Variants in ZC3H18 observed in about 807,000 individuals in gnomAD.
The protein encoded by ZC3H18 is zinc finger CCCH domain-containing protein 18.
In ZC3H18, 8 loss-of-function variants were observed where a neutral mutation model predicts 106.1. The ratio of observed to expected loss-of-function variants is 0.08; its 90% confidence interval spans 0.04 to 0.14. ZC3H18 has a LOEUF of 0.14. Ranked by LOEUF, ZC3H18 falls within the 10% of genes least tolerant of loss-of-function variation. The probability of loss-of-function intolerance (pLI) is 1.00; values close to 1 mark genes in which losing one functional copy is unlikely to be tolerated. For synonymous variants in ZC3H18, 635 were observed against 522.1 expected, an observed-to-expected ratio of 1.22 and a Z score of -2.95; for missense variants, 1,318 against 1,278.4, an observed-to-expected ratio of 1.03 and a Z score of -0.47.
In ZC3H18 at chr16:88,631,298, A is replaced by C; in HGVS notation, c.2861A>C (p.Ter954SerextTer13). The C allele has an allele frequency of 6.3e-7, 1 of 1,577,964 alleles. No homozygotes were observed. The highest frequency in any genetic ancestry group is 1.1e-5 in the South Asian group (1 of 87,670). ...RKRAKIPGKA[*>S] Reference sequence around the variant, plus strand: ...CGGGCCAAGATCCCCGGGAAAGCATAGGCCGTGCCCCGACCGGACTGGACG... The same window carrying C: ...CGGGCCAAGATCCCCGGGAAAGCATCGGCCGTGCCCCGACCGGACTGGACG... Residue 954 changes from the stop codon to serine (S), a stop_lost, in exon 18 of 18, where the codon TAG (stop) becomes TCG (serine). Transcript: ENST00000301011.
At chr16:88,589,962 G>A (rs1171208051) in intron 3 of ZC3H18, among the ~76,000 whole-genome samples, 1 of 152,220 alleles carries the variant, frequency 6.6e-6, no homozygotes, top group Admixed American at 6.5e-5. Context: ...TGTGAATTGT[G>A]TCACAATTAG....
intron 3 of ZC3H18, among the ~76,000 whole-genome samples, chr16:88,590,694 C>T (rs1300830577): frequency 1.3e-5 from 2 of 150,248 alleles, no homozygotes; most frequent in African/African-American, 2.4e-5. Flanking sequence ...CGAGTAGCTG[C>T]GATTACAGGC....
intron 3 of ZC3H18, among the ~76,000 whole-genome samples, chr16:88,591,190 C>G (rs1295688774): frequency 6.6e-6 from 1 of 151,628 alleles, no homozygotes; most frequent in African/African-American, 2.4e-5. Flanking sequence ...CAGGATGGTC[C>G]CGATCTCCTG....
At chr16:88,574,464 C>T (rs919783265) in intron 1 of ZC3H18, among the ~76,000 whole-genome samples, 1 of 151,874 alleles carries the variant, frequency 6.6e-6, no homozygotes, top group East Asian at 1.9e-4. Flanking sequence ...CTGCCTTGGC[C>T]TCCCAAAGTG....
Position 88,577,576 on chromosome 16 carries a change from G to GGCTGAGGAT in ZC3H18, c.455_463dup (p.Ala152_Asp154dup), listed in dbSNP as rs1914842005. 2 of 1,613,534 alleles carry GGCTGAGGAT rather than the reference G, an allele frequency of 1.2e-6. No individual in the cohort carries two copies. Among genetic ancestry groups the GGCTGAGGAT allele is most frequent in the African/African-American group, 1.3e-5 (1 of 74,916 alleles). On this transcript the variant is annotated inframe_insertion, in exon 2 of 18. Coordinates refer to ENST00000301011, the MANE Select transcript of ZC3H18 (RefSeq NM_144604.4). ...AGGAGGACGAGGCTGAGAAAGCGGG[G>GGCTGAGGAT]GCTGAGGATGATGAGGAGAAAGGCG... is the stretch of plus-strand genomic sequence containing the variant.
chr16:88,576,241 C>T (rs1424562106), intron 1 of ZC3H18, among the ~76,000 whole-genome samples: 2 of 151,468 alleles, frequency 1.3e-5, no homozygotes, highest in Admixed American at 1.3e-4. Context: ...AGGGTCTCAC[C>T]ATGTTGCCCA....
At chr16:88,606,447 T>G (rs1355431064) in intron 6 of ZC3H18, among the ~76,000 whole-genome samples, 1 of 152,240 alleles carries the variant, frequency 6.6e-6, no homozygotes, top group Non-Finnish European at 1.5e-5. Context: ...AAGAGGCCTT[T>G]TCATTTTGCT....
At chr16:88,575,272 C>T (rs1914675720) in intron 1 of ZC3H18, among the ~76,000 whole-genome samples, 1 of 151,878 alleles carries the variant, frequency 6.6e-6, no homozygotes, top group Non-Finnish European at 1.5e-5. Flanking sequence ...ATATTTTTAT[C>T]TTTAGTGTGT....
At chr16:88,614,125 T>C (rs1044615806) in intron 8 of ZC3H18, among the ~76,000 whole-genome samples, 1 of 152,168 alleles carries the variant, frequency 6.6e-6, no homozygotes, top group Non-Finnish European at 1.5e-5. Flanking sequence ...TCAGGGATGT[T>C]GTTTGACTTG....
At chr16:88,625,499 CG>C in intron 13 of ZC3H18, 1 of 563,228 alleles carries the variant, frequency 1.8e-6, no homozygotes. Context: ...TTCACAAACT[CG>C]GGGGCACTCA....
At chr16:88,623,709 A>G in intron 10 of ZC3H18, 1 of 614,540 alleles carries the variant, frequency 1.6e-6, no homozygotes, top group Non-Finnish European at 2.7e-6. Context: ...CCTGTCCTGC[A>G]CACACATGAA....
chr16:88,623,423 C>T (rs112230711), intron 10 of ZC3H18, 79 bp downstream of exon 10: 55 of 1,561,458 alleles, frequency 3.5e-5, no homozygotes, highest in African/African-American at 2.3e-4. Context: ...TTAGTTGTGG[C>T]GCCAGTAGCC....
intron 6 of ZC3H18, among the ~76,000 whole-genome samples, chr16:88,601,660 A>G (rs1904756696): frequency 6.6e-6 from 1 of 152,048 alleles, no homozygotes; most frequent in Admixed American, 6.5e-5. Flanking sequence ...AGGACCCCCA[A>G]ATGTTAAAGT....
intron 3 of ZC3H18, among the ~76,000 whole-genome samples, chr16:88,596,556 C>CG (rs1335436986): frequency 6.6e-6 from 1 of 152,078 alleles, no homozygotes; most frequent in East Asian, 1.9e-4. Context: ...AGGAGAATCA[C>CG]TGACACCCAG....
At chr16:88,598,988 A>G (rs1205982590) in intron 5 of ZC3H18, among the ~76,000 whole-genome samples, 1 of 152,168 alleles carries the variant, frequency 6.6e-6, no homozygotes, top group Non-Finnish European at 1.5e-5. Context: ...CCTCCCAAGT[A>G]GCTGGGATTA....
intron 8 of ZC3H18, among the ~76,000 whole-genome samples, chr16:88,616,403 G>A (rs553646100): frequency 1.3e-5 from 2 of 152,318 alleles, no homozygotes; most frequent in South Asian, 2.1e-4. Flanking sequence ...GCCCCTTCTC[G>A]GAGCTGCCAG....
Position 88,628,576 on chromosome 16 carries a change from A to G in ZC3H18, c.2470-182A>G, listed in dbSNP as rs549750699. 14 of 625,844 alleles carry G rather than the reference A, an allele frequency of 2.2e-5. 1 individual carries two copies. In the South Asian group the frequency reaches 2.7e-4, roughly 12 times the overall value. 38.8% of individuals were successfully genotyped at this position (625,844 alleles called of 1,614,324 possible). Reference sequence around the variant, plus strand: ...GGAACGTGAAGGGCCCCAAGTGCACAGTGGGGGTGCCCTTGGTCCGGGTCC... The same window carrying G: ...GGAACGTGAAGGGCCCCAAGTGCACGGTGGGGGTGCCCTTGGTCCGGGTCC... On this transcript the variant is annotated intron_variant, in intron 15 of 17. Coordinates refer to ENST00000301011, the MANE Select transcript of ZC3H18 (RefSeq NM_144604.4).
chr16:88,612,533 T>TG (rs1316155842), intron 8 of ZC3H18, among the ~76,000 whole-genome samples: 12 of 149,036 alleles, frequency 8.1e-5, no homozygotes, highest in Non-Finnish European at 1.0e-4. Flanking sequence ...AAAAATTAGC[T>TG]GGGGGAGGTG....
chr16:88,630,019 G>T, intron 16 of ZC3H18: 1 of 155,582 alleles, frequency 6.4e-6, no homozygotes, highest in Non-Finnish European at 1.4e-5. Context: ...GGCCTCTGGG[G>T]TCCTGCGGAC....
Sources: allele counts gnomAD v4.1 joint callset (sites outside exome capture counted in the v4.1 genomes callset), GRCh38; gene constraint gnomAD v4.1.1; transcripts MANE v1.5; gene names NCBI Gene and HGNC (gene_info 2026-07-23, HGNC 2026-07-21).